Variants in TMEM14C observed in about 807,000 individuals in gnomAD.
The protein encoded by TMEM14C is transmembrane protein 14C.
A neutral mutation model predicts 14.8 loss-of-function variants in TMEM14C; 13 were observed. The ratio of observed to expected loss-of-function variants is 0.88; its 90% confidence interval spans 0.57 to 1.40. TMEM14C has a LOEUF of 1.40. TMEM14C is among the 40% of genes most tolerant of loss of function. TMEM14C has a pLI of 0.00. For synonymous variants in TMEM14C, 57 were observed against 51.3 expected, an observed-to-expected ratio of 1.11 and a Z score of -0.48; for missense variants, 142 against 138.8, an observed-to-expected ratio of 1.02 and a Z score of -0.12.
At chr6:10,727,187 C>T (rs182394724) in intron 4 of TMEM14C, among the ~76,000 whole-genome samples, 188 of 152,312 alleles carry the variant, frequency 1.2e-3, no homozygotes, top group Non-Finnish European at 1.7e-3. Context: ...TTTCCCTCCT[C>T]TCCAACACCA....
chr6:10,723,898 T>C (rs1770772131), intron 1 of TMEM14C, among the ~76,000 whole-genome samples: 1 of 152,200 alleles, frequency 6.6e-6, no homozygotes, highest in African/African-American at 2.4e-5. Context: ...GCCACTGCGC[T>C]TGGCCTAATT....
intron 5 of TMEM14C, among the ~76,000 whole-genome samples, chr6:10,729,780 AAAACAAAC>A (rs147302140): frequency 6.6e-6 from 1 of 151,506 alleles, no homozygotes; most frequent in African/African-American, 2.4e-5. Context: ...TCCATCTCAA[AAAACAAAC>A]AAACAAACAA....
At chr6:10,730,098 A>G (rs545688164) in intron 5 of TMEM14C, among the ~76,000 whole-genome samples, 1 of 152,186 alleles carries the variant, frequency 6.6e-6, no homozygotes, top group Non-Finnish European at 1.5e-5. Flanking sequence ...GTGAGACTCC[A>G]TCTGAAAAAA....
chr6:10,726,647 C>T (rs1581599237), intron 4 of TMEM14C, among the ~76,000 whole-genome samples: 1 of 152,278 alleles, frequency 6.6e-6, no homozygotes, highest in South Asian at 2.1e-4. Context: ...GCTGAGATCA[C>T]ACCACTGCAC....
chr6:10,727,026 C>A (rs1423979713), intron 4 of TMEM14C, among the ~76,000 whole-genome samples: 2 of 152,176 alleles, frequency 1.3e-5, no homozygotes, highest in African/African-American at 4.8e-5. Flanking sequence ...AGCTCCCTCC[C>A]TCATGCTCCA....
At chr6:10,729,524 C>T (rs1270634604) in intron 5 of TMEM14C, among the ~76,000 whole-genome samples, 2 of 152,108 alleles carry the variant, frequency 1.3e-5, no homozygotes, top group Non-Finnish European at 2.9e-5. Flanking sequence ...CACCTGTAAT[C>T]CCAGCAATTT....
rs1770812607 is a variant in TMEM14C, at chr6:10,724,953, G to C, written c.21-8G>C. The C allele has an allele frequency of 6.2e-7, 1 of 1,614,252 alleles. No homozygotes were observed. The highest frequency in any genetic ancestry group is 1.3e-5 in the African/African-American group (1 of 75,066). On this transcript the variant is annotated splice_polypyrimidine_tract_variant and splice_region_variant and intron_variant, in intron 2 of 5. Transcript: ENST00000229563. ...GTTAGCACTGACTTCTCCCTCTTGT[G>C]TTTTCAGAGTGCCTTTGCATTGGTT...
At chr6:10,724,378 G>A in intron 1 of TMEM14C, 192 bp from the exon 2 acceptor site, 1 of 560,896 alleles carries the variant, frequency 1.8e-6, no homozygotes, top group South Asian at 2.3e-5. Flanking sequence ...TTTACTAGGT[G>A]CTAAGCACCT....
At position 10,728,703 on chromosome 6, in the gene TMEM14C, C is replaced by T; in HGVS notation, c.263C>T (p.Pro88Leu). The change falls in exon 5 of 6, where the codon CCT becomes CTT. Residue 88 changes from proline (P) to leucine (L), a missense_variant. Pro to Leu is a moderately conservative substitution (Grantham distance 98). Transcript: ENST00000229563. ...TTCTACCACTCTGGAAAATTCATGC[C>T]TGCAGGTTTAATTGCAGGTGCCAGG... Reference protein sequence around the residue: ...MRFYHSGKFMPAGLIAGASLL... With the variant: ...MRFYHSGKFMLAGLIAGASLL... The T allele has an allele frequency of 6.2e-7, 1 of 1,614,208 alleles. No homozygotes were observed. The highest frequency in any genetic ancestry group is 8.5e-7 in the Non-Finnish European group (1 of 1,180,042).
chr6:10,723,877 G>T (rs1435312691), intron 1 of TMEM14C, among the ~76,000 whole-genome samples: 1 of 152,132 alleles, frequency 6.6e-6, no homozygotes, highest in Non-Finnish European at 1.5e-5. Context: ...GTACTGGGAT[G>T]ACAGGCGTCA....
Position 10,724,993 on chromosome 6 carries a change from C to T in TMEM14C, c.53C>T (p.Ala18Val). 1 of 1,614,214 alleles carries T rather than the reference C, an allele frequency of 6.2e-7. No homozygotes were observed. The highest frequency in any genetic ancestry group is 8.5e-7 in the Non-Finnish European group (1 of 1,180,040). Reference sequence around the variant, plus strand: ...TTGCATTGGTTTGGCTTTGGCTACGCAGCACTGGTTGCTTCTGGTGGGATC... The same window carrying T: ...TTGCATTGGTTTGGCTTTGGCTACGTAGCACTGGTTGCTTCTGGTGGGATC... ...VPLHWFGFGY[A>V]ALVASGGIIG... Residue 18 changes from alanine (A) to valine (V), a missense_variant, in exon 3 of 6, where the codon GCA (alanine) becomes GTA (valine). By Grantham distance (64) the Ala-to-Val change is moderately conservative. Coordinates refer to ENST00000229563, the MANE Select transcript of TMEM14C (RefSeq NM_016462.4).
In TMEM14C at chr6:10,728,657, G is replaced by A; in HGVS notation, c.217G>A (p.Ala73Thr). 6.2e-7 allele frequency: 1 copy of A among 1,614,142 alleles called. No individual in the cohort carries two copies. Among genetic ancestry groups the A allele is most frequent in the Non-Finnish European group, 8.5e-7 (1 of 1,180,034 alleles). ...WVFLATSGTL[A>T]GIMGMRFYHS... is the part of the protein sequence containing the mutation. ...TTCATCAGCTACATCTGGTACCTTG[G>A]CTGGCATTATGGGAATGAGGTTCTA... Residue 73 changes from alanine (A) to threonine (T), a missense_variant, in exon 5 of 6, where the codon GCT (alanine) becomes ACT (threonine). Ala to Thr is a moderately conservative substitution (Grantham distance 58). Coordinates refer to ENST00000229563, the MANE Select transcript of TMEM14C (RefSeq NM_016462.4).
chr6:10,726,287 C>T lies in TMEM14C; in HGVS notation c.199+279C>T, dbSNP rs565690559. On this transcript the variant is annotated intron_variant, in intron 4 of 5. Transcript: ENST00000229563. Reference sequence around the variant, plus strand: ...AATTCTATCAGGCAAATGTATCAACCGTTGAGGTTGCCCACTGAAGACCTT... The same window carrying T: ...AATTCTATCAGGCAAATGTATCAACTGTTGAGGTTGCCCACTGAAGACCTT... Among the ~76,000 whole-genome samples, 9 of 152,300 alleles carry T rather than the reference C, an allele frequency of 5.9e-5. 2 individuals are homozygous for T. The South Asian group carries it at 1.4e-3, about 25-fold the overall frequency.
chr6:10,729,419 C>G (rs1770966311), intron 5 of TMEM14C, among the ~76,000 whole-genome samples: 1 of 152,130 alleles, frequency 6.6e-6, no homozygotes, highest in African/African-American at 2.4e-5. Flanking sequence ...AGGCGTGACC[C>G]ACTGCGGCTG....
intron 4 of TMEM14C, among the ~76,000 whole-genome samples, chr6:10,727,099 G>A (rs182249967): frequency 3.9e-5 from 6 of 152,198 alleles, no homozygotes; most frequent in South Asian, 4.2e-4. Flanking sequence ...ATGACCTCAC[G>A]CCTATTGTAG....
Position 10,725,931 on chromosome 6 carries a change from G to C in TMEM14C, c.122G>C (p.Gly41Ala). 6.2e-7 allele frequency: 1 copy of C among 1,614,006 alleles called. No homozygotes were observed. The highest frequency in any genetic ancestry group is 8.5e-7 in the Non-Finnish European group (1 of 1,180,018). The change falls in exon 4 of 6, where the codon GGG becomes GCG. Residue 41 changes from glycine to alanine, a missense_variant. Physicochemically the swap from Gly to Ala is moderately conservative, Grantham distance 60 (BLOSUM62 0). Coordinates refer to ENST00000229563, the MANE Select transcript of TMEM14C (RefSeq NM_016462.4). ...GGCAGCGTGCCGTCCCTGGCTGCAG[G>C]GCTGCTCTTTGGCAGTCTAGCCGGC... ...KAGSVPSLAA[G>A]LLFGSLAGLG...
Position 10,724,953 on chromosome 6 carries a change from G to A in TMEM14C, c.21-8G>A, listed in dbSNP as rs1770812607. 2.5e-6 allele frequency: 4 copies of A among 1,614,252 alleles called. No homozygotes were observed. The highest frequency in any genetic ancestry group is 3.4e-6 in the Non-Finnish European group (4 of 1,180,040). On this transcript the variant is annotated splice_polypyrimidine_tract_variant and splice_region_variant and intron_variant, in intron 2 of 5. Coordinates refer to ENST00000229563, the MANE Select transcript of TMEM14C (RefSeq NM_016462.4). The stretch of plus-strand genomic sequence containing the variant: ...GTTAGCACTGACTTCTCCCTCTTGT[G>A]TTTTCAGAGTGCCTTTGCATTGGTT...
intron 5 of TMEM14C, 146 bp downstream of exon 5, chr6:10,728,873 T>C (rs750184417): frequency 1.9e-4 from 293 of 1,513,200 alleles, no homozygotes; most frequent in Non-Finnish European, 2.5e-4. Context: ...AGGAAATGTT[T>C]CAAAAACAAT....
Position 10,723,216 on chromosome 6 carries a change from A to C in TMEM14C, c.-70A>C, listed in dbSNP as rs1045911. On this transcript the variant is annotated 5_prime_UTR_variant, in exon 1 of 6. Coordinates refer to ENST00000229563, the MANE Select transcript of TMEM14C (RefSeq NM_016462.4). ...ATTCCTGCGGCTTGCGCGCCCTTGTAGACAGCCGGGGCCTTCGTGAGACCG... is the reference window on the plus strand; with the variant it reads ...ATTCCTGCGGCTTGCGCGCCCTTGTCGACAGCCGGGGCCTTCGTGAGACCG... 0.2 allele frequency: 31,022 copies of C among 152,316 alleles called. 4,216 individuals carry two copies. Among genetic ancestry groups the C allele is most frequent in the African/African-American group, 0.39 (16,137 of 41,542 alleles). The allele number at this position is 152,316 out of a possible 1,614,324, so 9.4% of individuals were successfully genotyped here.
Sources: allele counts gnomAD v4.1 joint callset (sites outside exome capture counted in the v4.1 genomes callset), GRCh38; gene constraint gnomAD v4.1.1; transcripts MANE v1.5; gene names NCBI Gene and HGNC (gene_info 2026-07-23, HGNC 2026-07-21).